ADD2: variants seen among roughly 807,000 people sequenced by gnomAD.
The protein encoded by ADD2 is beta-adducin.
A neutral mutation model predicts 83.0 loss-of-function variants in ADD2; 23 were observed. The observed-to-expected ratio is 0.28, with a 90% CI of 0.20 to 0.39. ADD2 has a LOEUF of 0.39. Among genes scored for constraint, ADD2 ranks in the 10% least tolerant of loss-of-function variants. ADD2 has a pLI of 1.00. For missense variants in ADD2, 758 were observed against 944.9 expected (o/e 0.80, Z 2.59); for synonymous variants, 375 against 375.4 (o/e 1.00, Z 0.01).
chr2:70,678,417 G>A (rs1055579855), intron 11 of ADD2, among the ~76,000 whole-genome samples: 1 of 152,136 alleles, frequency 6.6e-6, no homozygotes, highest in African/African-American at 2.4e-5. Context: ...TGTGGATGTG[G>A]GAGAAAGAAG....
chr2:70,715,243 G>T (rs1340560563), intron 1 of ADD2, among the ~76,000 whole-genome samples: 1 of 152,160 alleles, frequency 6.6e-6, no homozygotes, highest in African/African-American at 2.4e-5. Context: ...CTCTAGAGAG[G>T]CCCCAGCACC....
At chr2:70,743,342 C>T (rs1674020477) in intron 1 of ADD2, among the ~76,000 whole-genome samples, 1 of 152,138 alleles carries the variant, frequency 6.6e-6, no homozygotes, top group Non-Finnish European at 1.5e-5. Context: ...ATTTTTACTC[C>T]ACTTCTCTGA....
intron 10 of ADD2, among the ~76,000 whole-genome samples, chr2:70,681,100 C>G (rs138719700): frequency 7.1e-6 from 1 of 141,360 alleles, no homozygotes; most frequent in African/African-American, 2.5e-5. Context: ...AGCTATTATT[C>G]CAGAGGTCAC....
chr2:70,749,295 G>A lies in ADD2; in HGVS notation c.-154+18591C>T, dbSNP rs116150705. On this transcript the variant is annotated intron_variant, in intron 1 of 15. Transcript: ENST00000264436. ...CCACAGGGTCCCTCCCATGACACAC[G>A]GGGAATAGGGGATTATAATTCAAGA... 5.2e-3 allele frequency among the ~76,000 whole-genome samples: 798 copies of A among 152,244 alleles called. 3 individuals carry two copies. Among genetic ancestry groups the A allele is most frequent in the Non-Finnish European group, 8.9e-3 (604 of 68,018 alleles).
At position 70,677,913 on chromosome 2, in the gene ADD2, G is replaced by T. The variant is rs782409297; in HGVS notation, c.1384-36C>A. ...ACAAGGTCATGGGGCTGAGGTGAGG[G>T]AACAGGCCCATGAGTCCTCCCCAGT... On this transcript the variant is annotated intron_variant, in intron 11 of 15. Coordinates refer to ENST00000264436, the MANE Select transcript of ADD2 (RefSeq NM_001617.4). 8.1e-6 allele frequency: 13 copies of T among 1,613,088 alleles called. No homozygotes were observed. The African/African-American group carries it at 1.5e-4, about 18-fold the overall frequency.
chr2:70,723,306 G>T (rs546939629), intron 1 of ADD2, among the ~76,000 whole-genome samples: 1 of 152,202 alleles, frequency 6.6e-6, no homozygotes, highest in Non-Finnish European at 1.5e-5. Context: ...TTTGCACAGG[G>T]CCCAACAAAT....
At chr2:70,669,249 G>C (rs1277165987) in intron 15 of ADD2, among the ~76,000 whole-genome samples, 2 of 152,112 alleles carry the variant, frequency 1.3e-5, no homozygotes, top group Non-Finnish European at 2.9e-5. Flanking sequence ...TCAAACATCC[G>C]TGTCTGAAAG....
chr2:70,711,819 T>C (rs75864357), intron 2 of ADD2, among the ~76,000 whole-genome samples: 1,927 of 152,310 alleles, frequency 0.013, 34 homozygotes, highest in African/African-American at 0.044. Flanking sequence ...CTCATTCTAA[T>C]GAATTATTGA....
Position 70,732,385 on chromosome 2 carries a change from T to G in ADD2, c.-153-19201A>C, listed in dbSNP as rs17006258. ...TAATTCCTGTCCAATTGAGAAACAT[T>G]TGAATGCAATGATATCTGGATCAAT... On this transcript the variant is annotated intron_variant, in intron 1 of 15. Transcript: ENST00000264436. 9.1e-3 allele frequency among the ~76,000 whole-genome samples: 1,387 copies of G among 152,330 alleles called. 30 individuals carry two copies. Among genetic ancestry groups the G allele is most frequent in the African/African-American group, 0.031 (1,294 of 41,560 alleles).
Position 70,718,872 on chromosome 2 carries a change from G to A in ADD2, c.-153-5688C>T, listed in dbSNP as rs1358467277. Among the ~76,000 whole-genome samples, 3 of 152,188 alleles carry A rather than the reference G, an allele frequency of 2.0e-5. No individual in the cohort carries two copies. In the East Asian group the frequency reaches 5.8e-4, roughly 29 times the overall value. ...AAGGGGAGCAGATGCCAGGGGCCTG[G>A]TAGGAGGTGGGGGAATGGACATCAG... On this transcript the variant is annotated intron_variant, in intron 1 of 15. Transcript: ENST00000264436.
chr2:70,664,783 G>C (rs782247815), intron 15 of ADD2, among the ~76,000 whole-genome samples: 2 of 151,840 alleles, frequency 1.3e-5, no homozygotes, highest in African/African-American at 4.8e-5. Flanking sequence ...GAGTGGGCAG[G>C]TTGTGTGTGG....
intron 1 of ADD2, among the ~76,000 whole-genome samples, chr2:70,765,650 A>G (rs573895494): frequency 7.2e-5 from 11 of 152,244 alleles, no homozygotes; most frequent in Non-Finnish European, 1.6e-4. Context: ...AATGAGTTTA[A>G]CAAATAAATA....
At chr2:70,726,186 CAAAAAAAAA>C (rs34333514) in intron 1 of ADD2, among the ~76,000 whole-genome samples, 1,542 of 45,486 alleles carry the variant, frequency 0.034, 36 homozygotes, top group African/African-American at 0.11. Flanking sequence ...GACTCCATCT[CAAAAAAAAA>C]AAAAAAAAAA....
chr2:70,749,038 G>A (rs1318122706), intron 1 of ADD2, among the ~76,000 whole-genome samples: 1 of 152,128 alleles, frequency 6.6e-6, no homozygotes, highest in African/African-American at 2.4e-5. Context: ...ACCTGAGACT[G>A]GGTAATTTAT....
Position 70,672,858 on chromosome 2 carries a change from G to T in ADD2, c.1870+20C>A, listed in dbSNP as rs782629299. ...GATGCACCCCTCTCCCTCCCTCCCA[G>T]CCTACTCAGCTGGACTCACCCTCTA... is the stretch of plus-strand genomic sequence containing the variant. On this transcript the variant is annotated intron_variant, in intron 15 of 15. Transcript: ENST00000264436. 1.2e-6 allele frequency: 2 copies of T among 1,601,592 alleles called. No homozygotes were observed. The highest frequency in any genetic ancestry group is 1.7e-6 in the Non-Finnish European group (2 of 1,175,536).
At chr2:70,683,889 A>C in intron 9 of ADD2, 122 bp from the exon 10 acceptor site, 2 of 1,087,818 alleles carry the variant, frequency 1.8e-6, no homozygotes, top group South Asian at 2.3e-5. Context: ...CAAACTGAGA[A>C]AGAGCCACCC....
At chr2:70,680,974 C>T (rs995960089) in intron 10 of ADD2, among the ~76,000 whole-genome samples, 1 of 152,108 alleles carries the variant, frequency 6.6e-6, no homozygotes, top group Admixed American at 6.5e-5. Context: ...GTGTAAATGA[C>T]GATAGCCCTT....
intron 1 of ADD2, among the ~76,000 whole-genome samples, chr2:70,726,186 CAAAAAAAAAAAAA>C (rs34333514): frequency 3.7e-4 from 17 of 45,492 alleles, no homozygotes; most frequent in Admixed American, 1.4e-3. Context: ...GACTCCATCT[CAAAAAAAAAAAAA>C]AAAAAAAAAA....
At chr2:70,711,920 T>A (rs1250077970) in intron 2 of ADD2, among the ~76,000 whole-genome samples, 3 of 152,164 alleles carry the variant, frequency 2.0e-5, no homozygotes, top group Non-Finnish European at 2.9e-5. Context: ...GGCTGGTGCC[T>A]GAGGTGGGGA....
Sources: gnomAD v4.1 joint callset for allele counts (sites outside exome capture counted in the v4.1 genomes callset) on GRCh38, gnomAD v4.1.1 for gene constraint, MANE v1.5 for transcripts, NCBI Gene and HGNC (gene_info 2026-07-23, HGNC 2026-07-21) for gene names.